The following HNRNPA2B1 variants were observed in gnomAD, a reference collection of about 807,000 sequenced individuals.
HNRNPA2B1 encodes heterogeneous nuclear ribonucleoprotein A2/B1.
Under a neutral mutation model 46.3 loss-of-function variants are expected in HNRNPA2B1, and 3 were observed. That is an observed-to-expected ratio of 0.06 (90% CI 0.03 to 0.17). The LOEUF (loss-of-function observed/expected upper bound fraction) is 0.17. Among genes scored for constraint, HNRNPA2B1 ranks in the 10% least tolerant of loss-of-function variants. HNRNPA2B1 has a pLI of 1.00. For synonymous variants in HNRNPA2B1, 225 were observed against 133.8 expected (o/e 1.68, Z -4.70); for missense variants, 221 against 418.9 (o/e 0.53, Z 4.12).
Position 26,190,157 on chromosome 7 carries a change from T to G in HNRNPA2B1, c.*2203A>C, listed in dbSNP as rs954166705. 7 of 152,614 alleles carry G rather than the reference T, an allele frequency of 4.6e-5. No individual in the cohort carries two copies. The highest frequency in any genetic ancestry group is 1.7e-4 in the African/African-American group (7 of 41,460). 9.5% of individuals were successfully genotyped at this position (152,614 alleles called of 1,614,324 possible). A position where few individuals can be genotyped will look rare whatever the true frequency, so the allele number is the denominator to read the frequency against. ...ACAAAAAGTATTTATTTTATAAACT[T>G]TATATTTAAAATAGAATTGTAATCT... is the stretch of plus-strand genomic sequence containing the variant. On this transcript the variant is annotated 3_prime_UTR_variant, in exon 11 of 11. Transcript: ENST00000618183.
chr7:26,195,145 G>C (rs1435694777), intron 7 of HNRNPA2B1, among the ~76,000 whole-genome samples: 2 of 149,050 alleles, frequency 1.3e-5, no homozygotes, highest in Non-Finnish European at 1.5e-5. Flanking sequence ...AAGCTTGTGG[G>C]CTGAGTCTCT....
intron 8 of HNRNPA2B1, 39 bp from the exon 9 acceptor site, chr7:26,193,412 T>A (rs1438110177): frequency 1.3e-6 from 2 of 1,592,690 alleles, no homozygotes; most frequent in Admixed American, 1.7e-5. Flanking sequence ...ATACAAACAT[T>A]AAACCAAGGA....
rs1482401492 is a variant in HNRNPA2B1 at position 26,195,839 on chromosome 7, A to G, written c.721+8T>C. The G allele has an allele frequency of 6.2e-7, 1 of 1,609,446 alleles. No individual in the cohort carries two copies. Reference sequence around the variant, plus strand: ...CATAAACAAACCAAAACGTAGAGGAAAACTGACCTCCAGGTCCTCCTCCAT... The same window carrying G: ...CATAAACAAACCAAAACGTAGAGGAGAACTGACCTCCAGGTCCTCCTCCAT... On this transcript the variant is annotated splice_region_variant and intron_variant, in intron 7 of 10. Transcript: ENST00000618183.
intron 8 of HNRNPA2B1, 27 bp downstream of exon 8, chr7:26,193,548 C>A (rs1783149373): frequency 3.2e-6 from 5 of 1,571,560 alleles, no homozygotes; most frequent in Non-Finnish European, 4.3e-6. Flanking sequence ...CAAATTCCCA[C>A]ATAAAGGTTG....
At chr7:26,195,285 G>A (rs1024688301) in intron 7 of HNRNPA2B1, among the ~76,000 whole-genome samples, 1 of 152,130 alleles carries the variant, frequency 6.6e-6, no homozygotes, top group South Asian at 2.1e-4. Flanking sequence ...TACCAGCTCA[G>A]TTTTAAATGT....
At position 26,197,610 on chromosome 7, in the gene HNRNPA2B1, TA is replaced by T; in HGVS notation, c.117+11del. 1 of 1,594,984 alleles carries T rather than the reference TA, an allele frequency of 6.3e-7. No homozygotes were observed. Among genetic ancestry groups the T allele is most frequent in the Non-Finnish European group, 8.6e-7 (1 of 1,163,480 alleles). On this transcript the variant is annotated intron_variant, in intron 2 of 10. Coordinates refer to ENST00000618183, the MANE Select transcript of HNRNPA2B1 (RefSeq NM_002137.4). Reference sequence around the variant, plus strand: ...AGACTAATATCCAGTAACAATTCAGTAATTTACATACCACACAGTCTGTAAG... The same window carrying T: ...AGACTAATATCCAGTAACAATTCAGTATTTACATACCACACAGTCTGTAAG...
At chr7:26,195,121 T>TAAAAAAAAAAAAAAAGAAACCATATTA (rs1783403775) in intron 7 of HNRNPA2B1, among the ~76,000 whole-genome samples, 1 of 118,734 alleles carries the variant, frequency 8.4e-6, no homozygotes, top group African/African-American at 3.1e-5. Flanking sequence ...GAAACCATAT[T>TAAAAAAAAAAAAAAAGAAACCATATTA]AAAAAAAAAA....
chr7:26,193,524 A>G (rs928784293), intron 8 of HNRNPA2B1, 51 bp downstream of exon 8: 2 of 1,563,620 alleles, frequency 1.3e-6, no homozygotes, highest in South Asian at 1.2e-5. Context: ...CAAGTGTTAC[A>G]AAGACATTAA....
intron 1 of HNRNPA2B1, chr7:26,199,844 C>G (rs890840647): frequency 6.6e-6 from 1 of 152,162 alleles, no homozygotes; most frequent in African/African-American, 2.4e-5. Flanking sequence ...GTGATATCTT[C>G]TCTGAAACCG....
intron 7 of HNRNPA2B1, 35 bp downstream of exon 7, chr7:26,195,812 C>T: frequency 6.2e-7 from 1 of 1,603,080 alleles, no homozygotes; most frequent in South Asian, 1.1e-5. Context: ...AAGTATTAGT[C>T]ACATAAACAA....
intron 1 of HNRNPA2B1, chr7:26,199,785 GTTTC>G (rs894996865): frequency 5.9e-5 from 9 of 152,168 alleles, no homozygotes; most frequent in African/African-American, 2.2e-4. Context: ...ACATAAAATG[GTTTC>G]TTTGTCCTAC....
In HNRNPA2B1 at chr7:26,197,227, A is replaced by G. The variant is rs575582615; in HGVS notation, c.264+88T>C. 5.2e-4 allele frequency: 751 copies of G among 1,435,648 alleles called. 3 individuals carry two copies. The highest frequency in any genetic ancestry group is 1.5e-3 in the Middle Eastern group (8 of 5,484). The allele number at this position is 1,435,648 out of a possible 1,614,324, so 88.9% of individuals were successfully genotyped here. A position where few individuals can be genotyped will look rare whatever the true frequency, so the allele number is the denominator to read the frequency against. On this transcript the variant is annotated intron_variant, in intron 3 of 10. Coordinates refer to ENST00000618183, the MANE Select transcript of HNRNPA2B1 (RefSeq NM_002137.4). ...ACCTTTAATAAGAGAAAAAATCTTG[A>G]GTTAAAACTAAATTCAGAAATAGTT...
intron 7 of HNRNPA2B1, among the ~76,000 whole-genome samples, chr7:26,195,443 G>T (rs1024637507): frequency 6.6e-6 from 1 of 152,196 alleles, no homozygotes; most frequent in Non-Finnish European, 1.5e-5. Flanking sequence ...TACGCTTTTT[G>T]AAAGTTATCC....
At chr7:26,192,655 A>G in intron 9 of HNRNPA2B1, 78 bp from the exon 10 acceptor site, 2 of 1,144,752 alleles carry the variant, frequency 1.7e-6, no homozygotes, top group East Asian at 2.3e-5. Context: ...AGTTGATTCT[A>G]TTTTATATCC....
chr7:26,192,508 G>A lies in HNRNPA2B1; in HGVS notation c.*8C>T, dbSNP rs760764771. 2.6e-5 allele frequency: 42 copies of A among 1,610,462 alleles called. No homozygotes were observed. Among genetic ancestry groups the A allele is most frequent in the Non-Finnish European group, 3.1e-5 (37 of 1,176,902 alleles). On this transcript the variant is annotated 3_prime_UTR_variant, in exon 10 of 11. Coordinates refer to ENST00000618183, the MANE Select transcript of HNRNPA2B1 (RefSeq NM_002137.4). ...AAAGCTACTTACCCATGGCAAATAG[G>A]AAGAAGCTCAGTATCGGCTCCTCCC...
intron 1 of HNRNPA2B1, 39 bp downstream of exon 1, chr7:26,200,533 A>G: frequency 3.1e-6 from 5 of 1,610,528 alleles, no homozygotes; most frequent in Non-Finnish European, 4.2e-6. Flanking sequence ...CGGCCTCGCC[A>G]TGCCCTTTTC....
At chr7:26,194,554 T>C (rs888381862) in intron 7 of HNRNPA2B1, among the ~76,000 whole-genome samples, 3 of 150,660 alleles carry the variant, frequency 2.0e-5, no homozygotes, top group African/African-American at 7.3e-5. Flanking sequence ...AACACAAAAT[T>C]AGCCGGTCAT....
At chr7:26,200,357 T>G (rs948864792) in intron 1 of HNRNPA2B1, 4 of 616,326 alleles carry the variant, frequency 6.5e-6, no homozygotes, top group African/African-American at 5.5e-5. Flanking sequence ...CCACCCCCAG[T>G]GAAGGGAAAT....
chr7:26,195,092 C>CAAAAAAAAA (rs11356411), intron 7 of HNRNPA2B1, among the ~76,000 whole-genome samples: 32 of 51,944 alleles, frequency 6.2e-4, no homozygotes, highest in African/African-American at 1.1e-3. Flanking sequence ...GGCTCCGTCT[C>CAAAAAAAAA]AAAAAAAAAA....
Sources: gnomAD v4.1 joint callset for allele counts (sites outside exome capture counted in the v4.1 genomes callset) on GRCh38, gnomAD v4.1.1 for gene constraint, MANE v1.5 for transcripts, NCBI Gene and HGNC (gene_info 2026-07-23, HGNC 2026-07-21) for gene names.